The following BZW1 variants were observed in gnomAD, a reference collection of about 807,000 sequenced individuals.
The protein encoded by BZW1 is eIF5-mimic protein 2.
A neutral mutation model predicts 54.1 loss-of-function variants in BZW1; 3 were observed. The ratio of observed to expected loss-of-function variants is 0.06; its 90% CI spans 0.03 to 0.14. The LOEUF (loss-of-function observed/expected upper bound fraction) is 0.14, where lower values mean the gene tolerates loss of function less well. Among genes scored for constraint, BZW1 ranks in the 10% least tolerant of loss-of-function variants. BZW1 has a pLI of 1.00. For synonymous variants in BZW1, 152 were observed against 162.7 expected (o/e 0.93, Z 0.50); for missense variants, 206 against 491.7 (o/e 0.42, Z 5.50).
rs572167279 is a variant in BZW1 at position 200,811,972 on chromosome 2, C to T, written c.-29C>T. 2 of 344,458 alleles carry T rather than the reference C, an allele frequency of 5.8e-6. No individual in the cohort carries two copies. Among genetic ancestry groups the T allele is most frequent in the Admixed American group, 4.8e-5 (1 of 20,936 alleles). 21.3% of individuals were successfully genotyped at this position (344,458 alleles called of 1,614,324 possible). On this transcript the variant is annotated 5_prime_UTR_variant, in exon 1 of 12. Transcript: ENST00000409600. ...GTACATCGGGGATTTCTGGCTCTTT[C>T]CTCTTCGCCTTAAATTCGGTGAGAC... is the stretch of plus-strand genomic sequence containing the variant.
rs906265343 is a variant in BZW1 at position 200,818,213 on chromosome 2, C to T, written c.649-10C>T. The stretch of plus-strand genomic sequence containing the variant: ...TAAAGAAAGTTTAACCAGATAAATT[C>T]TTCTTTTAGGAACTCTTTCCTGCCA... On this transcript the variant is annotated splice_polypyrimidine_tract_variant and intron_variant, in intron 7 of 11. Transcript: ENST00000409600. 6.4e-7 allele frequency: 1 copy of T among 1,553,736 alleles called. No individual in the cohort carries two copies.
At chr2:200,820,946 G>C (rs2038485859) in intron 10 of BZW1, among the ~76,000 whole-genome samples, 1 of 152,172 alleles carries the variant, frequency 6.6e-6, no homozygotes, top group South Asian at 2.1e-4. Flanking sequence ...ACCTCTGTTG[G>C]GAGAAAATCC....
At position 200,812,312 on chromosome 2, in the gene BZW1, A is replaced by G. The variant is rs1401754147; in HGVS notation, c.-11+322A>G. On this transcript the variant is annotated intron_variant, in intron 1 of 11. Transcript: ENST00000409600. ...CGCCGCGGCCTCTGTTGTGTGATGT[A>G]CGCGTGGGGGCTTCCGGCGGGCGGG... is the stretch of plus-strand genomic sequence containing the variant. The G allele has an allele frequency of 1.2e-5, 15 of 1,255,824 alleles. No homozygotes were observed. In the South Asian group the frequency reaches 4.6e-4, roughly 38 times the overall value. The allele number at this position is 1,255,824 out of a possible 1,614,324, so 77.8% of individuals were successfully genotyped here. A position where few individuals can be genotyped will look rare whatever the true frequency, so the allele number is the denominator to read the frequency against.
chr2:200,820,765 G>A (rs543113706), intron 10 of BZW1, among the ~76,000 whole-genome samples: 2 of 152,160 alleles, frequency 1.3e-5, no homozygotes, highest in African/African-American at 4.8e-5. Context: ...TCTTCAGCCT[G>A]TGTGAATCCT....
chr2:200,821,115 T>C, intron 10 of BZW1, 68 bp from the exon 11 acceptor site: 1 of 1,550,854 alleles, frequency 6.4e-7, no homozygotes. Context: ...ATTTGCACAT[T>C]AGGTGGTGGT....
chr2:200,820,071 C>A lies in BZW1; in HGVS notation c.1056C>A (p.Asn352Lys). The A allele has an allele frequency of 6.4e-7, 1 of 1,555,876 alleles. No homozygotes were observed. Among genetic ancestry groups the A allele is most frequent in the Non-Finnish European group, 8.7e-7 (1 of 1,149,456 alleles). Reference protein sequence around the residue: ...LLKIQEYCYDNIHFMKAFQKI... With the variant: ...LLKIQEYCYDKIHFMKAFQKI... Reference sequence around the variant, plus strand: ...AGATTCAGGAGTATTGCTATGACAACATTCATTTCATGAAAGCCTTCCAGA... The same window carrying A: ...AGATTCAGGAGTATTGCTATGACAAAATTCATTTCATGAAAGCCTTCCAGA... Residue 352 changes from asparagine to lysine, a missense_variant, in exon 10 of 12, where the codon AAC becomes AAA. Physicochemically the swap from Asn to Lys is moderately conservative, Grantham distance 94 (BLOSUM62 0). Coordinates refer to ENST00000409600, the MANE Select transcript of BZW1 (RefSeq NM_001207067.2).
Position 200,825,927 on chromosome 2 carries a change from G to A in BZW1, c.*3749G>A, listed in dbSNP as rs1455818267. Reference sequence around the variant, plus strand: ...ATATAAAATAGGTTGATAAGTATTTGCAAATTCTGGTAAATTGCCTTGCTA... The same window carrying A: ...ATATAAAATAGGTTGATAAGTATTTACAAATTCTGGTAAATTGCCTTGCTA... On this transcript the variant is annotated 3_prime_UTR_variant, in exon 12 of 12. Transcript: ENST00000409600. The A allele has an allele frequency of 6.6e-6, 1 of 152,206 alleles. No homozygotes were observed. The highest frequency in any genetic ancestry group is 1.5e-5 in the Non-Finnish European group (1 of 68,036). 9.4% of individuals were successfully genotyped at this position (152,206 alleles called of 1,614,324 possible). A position where few individuals can be genotyped will look rare whatever the true frequency, so the allele number is the denominator to read the frequency against.
intron 2 of BZW1, among the ~76,000 whole-genome samples, chr2:200,814,453 G>A (rs545320876): frequency 3.9e-5 from 6 of 152,316 alleles, no homozygotes; most frequent in African/African-American, 1.2e-4. Flanking sequence ...TGTCACCCTA[G>A]TACTGTGTGA....
chr2:200,823,830 T>TA lies in BZW1; in HGVS notation c.*1653dup, dbSNP rs1263647439. 3 of 152,552 alleles carry TA rather than the reference T, an allele frequency of 2.0e-5. No individual in the cohort carries two copies. The highest frequency in any genetic ancestry group is 2.1e-4 in the South Asian group (1 of 4,826). 9.4% of individuals were successfully genotyped at this position (152,552 alleles called of 1,614,324 possible). On this transcript the variant is annotated 3_prime_UTR_variant, in exon 12 of 12. Transcript: ENST00000409600. ...TTTTTAAAAAAATAAAGTCCATACT[T>TA]ACACTTAGGCTTTATACATCAGTCT...
At chr2:200,813,783 T>G (rs2038181351) in intron 2 of BZW1, among the ~76,000 whole-genome samples, 1 of 152,188 alleles carries the variant, frequency 6.6e-6, no homozygotes, top group African/African-American at 2.4e-5. Flanking sequence ...TACTATTTTT[T>G]TTTTGCATTA....
rs2038538874 is a variant in BZW1, at chr2:200,821,996, G to T, written c.1229-151G>T. ...AAGTGGGAGGATCACTTGAACCCGG[G>T]AGGCAGAGGTTGCAGTGAGCCAAGA... On this transcript the variant is annotated intron_variant, in intron 11 of 11. Coordinates refer to ENST00000409600, the MANE Select transcript of BZW1 (RefSeq NM_001207067.2). 8 of 654,286 alleles carry T rather than the reference G, an allele frequency of 1.2e-5. No individual in the cohort carries two copies. The South Asian group carries it at 1.5e-4, about 12-fold the overall frequency. The allele number at this position is 654,286 out of a possible 1,614,324, so 40.5% of individuals were successfully genotyped here. A position where few individuals can be genotyped will look rare whatever the true frequency, so the allele number is the denominator to read the frequency against.
chr2:200,815,688 A>G lies in BZW1; in HGVS notation c.263A>G (p.Asp88Gly), dbSNP rs199791934. 1,161 of 1,596,348 alleles carry G rather than the reference A, an allele frequency of 7.3e-4. 3 individuals carry two copies. Among genetic ancestry groups the G allele is most frequent in the Non-Finnish European group, 8.3e-4 (973 of 1,170,822 alleles). ...GMLAPGGTLADDMMRTDVCVF... is the reference protein window; with the variant it reads ...GMLAPGGTLAGDMMRTDVCVF... ...TTAGCCCCAGGTGGTACACTGGCAG[A>G]TGACATGATGCGTACAGATGTCTGC... Residue 88 changes from aspartate (D) to glycine (G), a missense_variant, in exon 4 of 12, where the codon GAT becomes GGT. This residue lies in a region of BZW1 where 81 missense variants were observed against 257.1 expected (regional missense o/e 0.32). Coordinates refer to ENST00000409600, the MANE Select transcript of BZW1 (RefSeq NM_001207067.2).
intron 9 of BZW1, 66 bp from the exon 10 acceptor site, chr2:200,819,916 T>TA: frequency 7.4e-7 from 1 of 1,345,628 alleles, no homozygotes; most frequent in Non-Finnish European, 9.9e-7. Flanking sequence ...GTCTGTATTG[T>TA]AGGAGTTTTG....
intron 6 of BZW1, among the ~76,000 whole-genome samples, chr2:200,817,610 C>G (rs971730199): frequency 1.3e-5 from 2 of 150,810 alleles, no homozygotes; most frequent in Non-Finnish European, 2.9e-5. Context: ...CTCCAATTGT[C>G]GGATTATTCT....
chr2:200,812,392 G>A (rs1442115977), intron 1 of BZW1: 4 of 1,285,684 alleles, frequency 3.1e-6, no homozygotes, highest in Non-Finnish European at 3.9e-6. Context: ...CGCTGCTTTC[G>A]CTGGAGGGCG....
rs1001320098 is a variant in BZW1 at position 200,821,118 on chromosome 2, G to T, written c.1106-65G>T. The T allele has an allele frequency of 2.6e-6, 4 of 1,556,966 alleles. No homozygotes were observed. The African/African-American group carries it at 5.5e-5, about 21-fold the overall frequency. On this transcript the variant is annotated intron_variant, in intron 10 of 11. Coordinates refer to ENST00000409600, the MANE Select transcript of BZW1 (RefSeq NM_001207067.2). ...TGCTAAGCAGGCATTTGCACATTAG[G>T]TGGTGGTTCTAACGCTGAGTAGAGT... is the stretch of plus-strand genomic sequence containing the variant.
rs772822722 is a variant in BZW1, at chr2:200,817,201, C to G, written c.498C>G (p.Ser166=). The G allele has an allele frequency of 2.5e-6, 4 of 1,613,662 alleles. No individual in the cohort carries two copies. The highest frequency in any genetic ancestry group is 3.4e-6 in the Non-Finnish European group (4 of 1,179,834). ...TGGCTAATGGAACACTTAATGCATC[C>G]ATTCTTAATAGCCTTTATAATGAAA... ...VLLANGTLNA[S]ILNSLYNENL... The change falls in exon 6 of 12, where the codon TCC becomes TCG. Residue 166 remains serine, a synonymous_variant. Coordinates refer to ENST00000409600, the MANE Select transcript of BZW1 (RefSeq NM_001207067.2).
chr2:200,815,539 G>C, intron 3 of BZW1, 22 bp downstream of exon 3: 2 of 1,613,000 alleles, frequency 1.2e-6, no homozygotes, highest in Non-Finnish European at 1.7e-6. Context: ...TGGTTTGTGG[G>C]CTTAATAATT....
chr2:200,826,480 A>G lies in BZW1; in HGVS notation c.*4302A>G, dbSNP rs1321923866. ...CGCTCTGTCGCCCAGGCGGGAGTGC[A>G]GTGGCACAATCTCGGCTCACTGCAA... On this transcript the variant is annotated 3_prime_UTR_variant, in exon 12 of 12. Transcript: ENST00000409600. 7.9e-6 allele frequency: 1 copy of G among 126,860 alleles called. No individual in the cohort carries two copies. Among genetic ancestry groups the G allele is most frequent in the African/African-American group, 3.0e-5 (1 of 32,878 alleles). 7.9% of individuals were successfully genotyped at this position (126,860 alleles called of 1,614,324 possible).
Sources: gnomAD v4.1 joint callset for allele counts (sites outside exome capture counted in the v4.1 genomes callset) on GRCh38, gnomAD v4.1.1 for gene constraint, gnomAD v4.1.1 regional missense constraint, MANE v1.5 for transcripts, NCBI Gene and HGNC (gene_info 2026-07-23, HGNC 2026-07-21) for gene names.